The following RGR variants were observed in gnomAD, a reference collection of about 807,000 sequenced individuals.
RGR encodes the protein RPE-retinal G protein-coupled receptor.
A neutral mutation model predicts 28.6 loss-of-function variants in RGR; 30 were observed. The ratio of observed to expected loss-of-function variants is 1.05; its 90% CI spans 0.78 to 1.42. The LOEUF is 1.42. Ranked by LOEUF, RGR falls within the 40% of genes most tolerant of loss-of-function variation. The probability of loss-of-function intolerance (pLI) is 0.00; values close to 1 mark genes in which losing one functional copy is unlikely to be tolerated. For synonymous variants in RGR, 180 were observed against 156.4 expected (o/e 1.15, Z -1.13); for missense variants, 404 against 375.6 (o/e 1.08, Z -0.62).
At chr10:84,254,213 CTGAA>C (rs1395243992) in intron 4 of RGR, 109 bp from the exon 5 acceptor site, 1 of 926,258 alleles carries the variant, frequency 1.1e-6, no homozygotes, top group African/African-American at 1.6e-5. Context: ...GCGAGCTTGT[CTGAA>C]TGGGGCATTT....
intron 5 of RGR, among the ~76,000 whole-genome samples, chr10:84,257,162 C>T (rs1482515361): frequency 6.6e-6 from 1 of 152,244 alleles, no homozygotes; most frequent in East Asian, 1.9e-4. Context: ...AATTGCACGT[C>T]CGCGTGTTTG....
Position 84,247,618 on chromosome 10 carries a change from T to A in RGR, c.107T>A (p.Leu36Gln), listed in dbSNP as rs1252882856. 1.2e-6 allele frequency: 2 copies of A among 1,614,194 alleles called. No homozygotes were observed. The highest frequency in any genetic ancestry group is 1.3e-5 in the African/African-American group (1 of 75,052). Residue 36 changes from leucine to glutamine, a missense_variant, in exon 2 of 7, where the codon CTG (leucine) becomes CAG (glutamine). Physicochemically the swap from Leu to Gln is moderately radical, Grantham distance 113. Transcript: ENST00000652092. ...CTCTCCGGTCTCAGCCTCAATACCC[T>A]GACCATCTTCTCTTTCTGCAAGACC... ...EALSGLSLNT[L>Q]TIFSFCKTPE...
intron 4 of RGR, among the ~76,000 whole-genome samples, chr10:84,254,034 C>T (rs566780406): frequency 1.1e-4 from 16 of 152,350 alleles, no homozygotes; most frequent in South Asian, 1.0e-3. Context: ...CCACTGACAT[C>T]CCCACCATTG....
chr10:84,255,198 G>C (rs906063466), intron 5 of RGR: 2 of 155,262 alleles, frequency 1.3e-5, no homozygotes, highest in Non-Finnish European at 2.9e-5. Context: ...CGTTTTCAGT[G>C]ATCAAGAGAA....
chr10:84,250,249 G>A, intron 3 of RGR: 1 of 680,544 alleles, frequency 1.5e-6, no homozygotes. Context: ...GAGGTCTATA[G>A]CCAGCACAGC....
intron 4 of RGR, among the ~76,000 whole-genome samples, chr10:84,253,401 C>A (rs1842844238): frequency 6.6e-6 from 1 of 152,312 alleles, no homozygotes; most frequent in East Asian, 1.9e-4. Context: ...ACAATAGATT[C>A]AAAGAACATT....
At chr10:84,256,674 G>A in intron 5 of RGR, among the ~76,000 whole-genome samples, 2 of 152,188 alleles carry the variant, frequency 1.3e-5, no homozygotes, top group Middle Eastern at 3.2e-3. Flanking sequence ...GCTGGCTGCT[G>A]GCATAGGCGC....
At chr10:84,248,869 G>A (rs772093066) in intron 2 of RGR, 53 bp from the exon 3 acceptor site, 12 of 1,614,072 alleles carry the variant, frequency 7.4e-6, no homozygotes, top group Non-Finnish European at 1.7e-6. Flanking sequence ...TGGCAGGTGT[G>A]GGAGGTGGAA....
intron 5 of RGR, 57 bp downstream of exon 5, chr10:84,254,500 G>T: frequency 1.4e-6 from 2 of 1,411,372 alleles, no homozygotes; most frequent in South Asian, 2.3e-5. Context: ...CAGGCTCTTG[G>T]TGTCCCGAAC....
chr10:84,250,953 G>A (rs1282243736), intron 3 of RGR: 1 of 149,342 alleles, frequency 6.7e-6, no homozygotes, highest in Non-Finnish European at 1.5e-5. Flanking sequence ...GAAAAGAAAA[G>A]GCCAGGCATG....
intron 5 of RGR, among the ~76,000 whole-genome samples, chr10:84,255,967 GC>G (rs1258824625): frequency 6.9e-6 from 1 of 145,092 alleles, no homozygotes; most frequent in Non-Finnish European, 1.5e-5. Flanking sequence ...CAGGTGATCC[GC>G]CCGCCTCCGC....
Position 84,252,885 on chromosome 10 carries a change from C to T in RGR, c.387C>T (p.Val129=). The T allele has an allele frequency of 6.2e-7, 1 of 1,614,174 alleles. No homozygotes were observed. The change falls in exon 4 of 7, where the codon GTC becomes GTT. Residue 129 remains valine, a synonymous_variant. Transcript: ENST00000652092. ...GCCAGCTGGCCTGGAACTCAGCCGT[C>T]TCTCTGGTGCTCTTCGTGTGGCTGT... ...TRSQLAWNSA[V]SLVLFVWLSS... is the part of the protein sequence containing the mutation.
chr10:84,253,800 C>T (rs575267752), intron 4 of RGR, among the ~76,000 whole-genome samples: 9 of 152,256 alleles, frequency 5.9e-5, no homozygotes, highest in Non-Finnish European at 1.0e-4. Context: ...CCCTGGTGGA[C>T]GGCTCCAAGG....
rs749120990 is a variant in RGR at position 84,253,032 on chromosome 10, C to T, written c.512+22C>T. The T allele has an allele frequency of 2.4e-5, 38 of 1,610,572 alleles. No homozygotes were observed. In the East Asian group the frequency reaches 2.9e-4, roughly 12 times the overall value. The stretch of plus-strand genomic sequence containing the variant: ...ACAGGTGAGGTGGGAGGAGCAGCTT[C>T]GAGGCTCCTATCCATGGGAATCTTG... On this transcript the variant is annotated intron_variant, in intron 4 of 6. Transcript: ENST00000652092.
At chr10:84,258,420 G>A (rs750310551) in intron 6 of RGR, 88 bp from the exon 7 acceptor site, 908 of 1,603,804 alleles carry the variant, frequency 5.7e-4, no homozygotes, top group Non-Finnish European at 6.9e-4. Context: ...GGCAGTTGTA[G>A]GTGGAGGGTG....
intron 2 of RGR, chr10:84,248,048 G>A (rs1229578188): frequency 3.4e-6 from 2 of 583,488 alleles, no homozygotes; most frequent in African/African-American, 3.8e-5. Flanking sequence ...CTAGTTCTGG[G>A]CTTCTTCCAT....
chr10:84,250,345 T>C (rs1842799682), intron 3 of RGR: 1 of 717,406 alleles, frequency 1.4e-6, no homozygotes, highest in Non-Finnish European at 2.6e-6. Flanking sequence ...GAAAATTCAC[T>C]GCCCCTCATG....
intron 1 of RGR, 80 bp downstream of exon 1, chr10:84,245,249 G>A (rs1346591579): frequency 2.8e-6 from 4 of 1,436,214 alleles, no homozygotes; most frequent in Admixed American, 1.8e-5. Context: ...AGCTGGCAAG[G>A]AGAGGAGAGG....
At chr10:84,250,554 A>G in intron 3 of RGR, 1 of 603,140 alleles carries the variant, frequency 1.7e-6, no homozygotes, top group South Asian at 1.8e-5. Context: ...ACACACACAC[A>G]CCACCTTCTC....
Sources: allele counts gnomAD v4.1 joint callset (sites outside exome capture counted in the v4.1 genomes callset), GRCh38; gene constraint gnomAD v4.1.1; transcripts MANE v1.5; gene names NCBI Gene and HGNC (gene_info 2026-07-23, HGNC 2026-07-21).